Variants in PRTG observed in about 807,000 individuals in gnomAD.
The protein encoded by PRTG is protogenin, also known as immunoglobulin superfamily, DCC subclass, member 5.
Under a neutral mutation model 122.5 loss-of-function variants are expected in PRTG, and 67 were observed. The ratio of observed to expected loss-of-function variants is 0.55; its 90% CI spans 0.45 to 0.67. PRTG has a LOEUF of 0.67. Ranked by LOEUF, PRTG falls within the 30% of genes least tolerant of loss-of-function variation. PRTG has a pLI of 0.00. For synonymous variants in PRTG, 554 were observed against 501.1 expected (o/e 1.11, Z -1.41); for missense variants, 1,435 against 1,415.4 (o/e 1.01, Z -0.22).
chr15:55,682,547 TA>T lies in PRTG; in HGVS notation c.543-51del, dbSNP rs772106854. On this transcript the variant is annotated intron_variant, in intron 3 of 19. Transcript: ENST00000389286. ...ACTTTTTGTAGTAGATTTCATATTT[TA>T]TTTATTTATTTATTTATTTATTTAT... The T allele has an allele frequency of 1.9e-3, 752 of 395,510 alleles. 18 individuals carry two copies. Among genetic ancestry groups the T allele is most frequent in the African/African-American group, 6.6e-3 (259 of 38,958 alleles). 24.5% of individuals were successfully genotyped at this position (395,510 alleles called of 1,614,324 possible). A position where few individuals can be genotyped will look rare whatever the true frequency, so the allele number is the denominator to read the frequency against.
chr15:55,673,860 G>A (rs1760299105), intron 9 of PRTG, among the ~76,000 whole-genome samples, 184 bp from the exon 10 acceptor site: 1 of 150,286 alleles, frequency 6.7e-6, no homozygotes, highest in African/African-American at 2.4e-5. Flanking sequence ...ATGAGGGAGG[G>A]CTAAGTGTGT....
chr15:55,722,095 G>A (rs903207464), intron 2 of PRTG, among the ~76,000 whole-genome samples: 27 of 152,322 alleles, frequency 1.8e-4, no homozygotes, highest in Non-Finnish European at 3.1e-4. Flanking sequence ...TCAAGAAAAA[G>A]AGAGAGATGA....
At chr15:55,712,817 A>C (rs1187538407) in intron 2 of PRTG, among the ~76,000 whole-genome samples, 1 of 152,114 alleles carries the variant, frequency 6.6e-6, no homozygotes, top group East Asian at 1.9e-4. Flanking sequence ...CTGTCAAATA[A>C]CTCAAGCAAA....
chr15:55,619,788 C>A lies in PRTG; in HGVS notation c.*224G>T. On this transcript the variant is annotated 3_prime_UTR_variant, in exon 20 of 20. Transcript: ENST00000389286. ...TACCCCATAAAGATATTAAGATTTT[C>A]ACAAAAGGCTTTGGTTCCCTGTTCA... 3.1e-6 allele frequency: 2 copies of A among 635,302 alleles called. No homozygotes were observed. The highest frequency in any genetic ancestry group is 5.0e-6 in the Non-Finnish European group (2 of 401,420). 39.4% of individuals were successfully genotyped at this position (635,302 alleles called of 1,614,324 possible).
Position 55,613,012 on chromosome 15 carries a change from GT to G in PRTG, c.*6999del, listed in dbSNP as rs1387037766. On this transcript the variant is annotated 3_prime_UTR_variant, in exon 20 of 20. Coordinates refer to ENST00000389286, the MANE Select transcript of PRTG (RefSeq NM_173814.6). ...ATCTTTCACAGCCTCATACAAATGA[GT>G]TTCAGATTATGATTATTTACACTTG... is the stretch of plus-strand genomic sequence containing the variant. The G allele has an allele frequency of 6.6e-6, 1 of 151,846 alleles. No homozygotes were observed. Among genetic ancestry groups the G allele is most frequent in the Non-Finnish European group, 1.5e-5 (1 of 67,906 alleles). 9.4% of individuals were successfully genotyped at this position (151,846 alleles called of 1,614,324 possible). A position where few individuals can be genotyped will look rare whatever the true frequency, so the allele number is the denominator to read the frequency against.
intron 10 of PRTG, 58 bp from the exon 11 acceptor site, chr15:55,672,691 C>G: frequency 7.5e-7 from 1 of 1,331,546 alleles, no homozygotes; most frequent in Non-Finnish European, 1.0e-6. Flanking sequence ...CATAAAGACA[C>G]AGAATAGGGT....
intron 2 of PRTG, among the ~76,000 whole-genome samples, chr15:55,733,779 A>G (rs2031318130): frequency 6.6e-6 from 1 of 152,148 alleles, no homozygotes; most frequent in African/African-American, 2.4e-5. Flanking sequence ...GGACGCCGTG[A>G]CTGCACCACT....
chr15:55,658,832 T>C (rs768173997), intron 11 of PRTG, among the ~76,000 whole-genome samples: 11 of 152,220 alleles, frequency 7.2e-5, no homozygotes, highest in Non-Finnish European at 1.5e-4. Context: ...TCTTAAGTTT[T>C]GTGTTTCTGT....
intron 14 of PRTG, 99 bp from the exon 15 acceptor site, chr15:55,637,439 G>A (rs530203131): frequency 2.1e-6 from 2 of 933,338 alleles, no homozygotes; most frequent in South Asian, 2.9e-5. Flanking sequence ...CAAAAAATTA[G>A]AAACCTCCAT....
chr15:55,627,450 A>C (rs948009053), intron 16 of PRTG, among the ~76,000 whole-genome samples: 1 of 148,098 alleles, frequency 6.8e-6, no homozygotes, highest in Non-Finnish European at 1.5e-5. Context: ...CAGCCTCCCG[A>C]GTAGCTGGGA....
chr15:55,653,927 G>A (rs779868335), intron 11 of PRTG, among the ~76,000 whole-genome samples: 1 of 152,112 alleles, frequency 6.6e-6, no homozygotes, highest in Non-Finnish European at 1.5e-5. Flanking sequence ...AGGCTTTTAA[G>A]AATTCTTTTA....
chr15:55,650,875 G>A (rs375560518), intron 11 of PRTG, among the ~76,000 whole-genome samples: 14 of 152,118 alleles, frequency 9.2e-5, no homozygotes, highest in African/African-American at 3.4e-4. Flanking sequence ...GCTTAGGTAG[G>A]AGGATTGCTT....
intron 11 of PRTG, among the ~76,000 whole-genome samples, chr15:55,659,005 T>G (rs1412467417): frequency 6.6e-6 from 1 of 152,202 alleles, no homozygotes; most frequent in African/African-American, 2.4e-5. Context: ...TTTCATAAGT[T>G]ATTAACATCC....
In PRTG at chr15:55,740,499, A is replaced by G. The variant is rs776602809; in HGVS notation, c.280T>C (p.Tyr94His). ...RIEVLSNGSL[Y>H]ISEVEGRRGE... ...CGCCTGCCTTCCACCTCACTGATGT[A>G]TAAAGAGCCGTTAGAAAGAACCTCG... The change falls in exon 2 of 20, where the codon TAC (tyrosine) becomes CAC (histidine). Residue 94 changes from tyrosine (Y) to histidine (H), a missense_variant. Physicochemically the swap from Tyr to His is moderately conservative, Grantham distance 83. Coordinates refer to ENST00000389286, the MANE Select transcript of PRTG (RefSeq NM_173814.6). 2 of 1,614,210 alleles carry G rather than the reference A, an allele frequency of 1.2e-6. No homozygotes were observed. Among genetic ancestry groups the G allele is most frequent in the Non-Finnish European group, 1.7e-6 (2 of 1,180,018 alleles).
chr15:55,631,085 A>C (rs914790140), intron 15 of PRTG, among the ~76,000 whole-genome samples: 1 of 152,178 alleles, frequency 6.6e-6, no homozygotes, highest in African/African-American at 2.4e-5. Flanking sequence ...CAGGAGCCAG[A>C]ACACAACTTG....
rs1301400999 is a variant in PRTG, at chr15:55,613,186, C to G, written c.*6826G>C. On this transcript the variant is annotated 3_prime_UTR_variant, in exon 20 of 20. Coordinates refer to ENST00000389286, the MANE Select transcript of PRTG (RefSeq NM_173814.6). ...TTGTCAAGATTAGAACTTAGGTGCT[C>G]CAAAGCCTAACTTATACTTGTTCTG... 3 of 152,160 alleles carry G rather than the reference C, an allele frequency of 2.0e-5. No individual in the cohort carries two copies. The East Asian group carries it at 5.8e-4, about 29-fold the overall frequency. 9.4% of individuals were successfully genotyped at this position (152,160 alleles called of 1,614,324 possible). A position where few individuals can be genotyped will look rare whatever the true frequency, so the allele number is the denominator to read the frequency against.
Position 55,726,959 on chromosome 15 carries a change from A to G in PRTG, c.397+13423T>C, listed in dbSNP as rs867924951. Among the ~76,000 whole-genome samples, 714 of 151,912 alleles carry G rather than the reference A, an allele frequency of 4.7e-3. 1 individual carries two copies. Among genetic ancestry groups the G allele is most frequent in the African/African-American group, 0.016 (678 of 41,496 alleles). The stretch of plus-strand genomic sequence containing the variant: ...GAGTAAGAGTCCGTCTCAAAAAAAA[A>G]AAAAAGAAAAAGAAAAACTGTAACA... On this transcript the variant is annotated intron_variant, in intron 2 of 19. Coordinates refer to ENST00000389286, the MANE Select transcript of PRTG (RefSeq NM_173814.6).
chr15:55,738,035 C>A (rs2031485420), intron 2 of PRTG, among the ~76,000 whole-genome samples: 1 of 125,208 alleles, frequency 8.0e-6, no homozygotes, highest in Non-Finnish European at 1.7e-5. Flanking sequence ...TACACACACA[C>A]ACACACACAC....
rs572244520 is a variant in PRTG at position 55,644,716 on chromosome 15, C to T, written c.2042-3508G>A. 7.2e-5 allele frequency among the ~76,000 whole-genome samples: 11 copies of T among 151,978 alleles called. No individual in the cohort carries two copies. The South Asian group carries it at 2.3e-3, about 32-fold the overall frequency. ...GAGTAACTGTCTCAAGGACCAGGTT[C>T]CTTCCCATGTTATATCAGGCGTACA... On this transcript the variant is annotated intron_variant, in intron 11 of 19. Transcript: ENST00000389286.
Sources: allele counts gnomAD v4.1 joint callset (sites outside exome capture counted in the v4.1 genomes callset), GRCh38; gene constraint gnomAD v4.1.1; transcripts MANE v1.5; gene names NCBI Gene and HGNC (gene_info 2026-07-23, HGNC 2026-07-21).